Variants in CRYBG1 observed in about 807,000 individuals in gnomAD.
CRYBG1 encodes crystallin beta-gamma domain containing 1.
In CRYBG1, 139 loss-of-function variants were observed where a neutral mutation model predicts 189.2. The ratio of observed to expected loss-of-function variants is 0.73; its 90% CI spans 0.64 to 0.85. The LOEUF (loss-of-function observed/expected upper bound fraction) is 0.85. Ranked by LOEUF, CRYBG1 falls within the 40% of genes least tolerant of loss-of-function variation. CRYBG1 has a pLI of 0.00. For synonymous variants in CRYBG1, 1,023 were observed against 1,017.1 expected (o/e 1.01, Z -0.11); for missense variants, 2,611 against 2,675.8 (o/e 0.98, Z 0.53).
intron 1 of CRYBG1, chr6:106,451,460 T>A: frequency 3.0e-6 from 1 of 334,196 alleles, no homozygotes; most frequent in Non-Finnish European, 5.4e-6. Flanking sequence ...ATTTGTTTTC[T>A]GCATAGGATT....
At chr6:106,504,347 A>C (rs977450403) in intron 2 of CRYBG1, among the ~76,000 whole-genome samples, 2 of 152,178 alleles carry the variant, frequency 1.3e-5, no homozygotes, top group Non-Finnish European at 2.9e-5. Context: ...TTTTCATAAG[A>C]GATCTGCTTA....
chr6:106,426,511 C>T (rs1001881188), intron 1 of CRYBG1, among the ~76,000 whole-genome samples: 4 of 152,174 alleles, frequency 2.6e-5, no homozygotes, highest in Admixed American at 2.0e-4. Context: ...CAATTGGGCT[C>T]CTCTGAAACA....
intron 1 of CRYBG1, among the ~76,000 whole-genome samples, chr6:106,434,199 A>G (rs1053290929): frequency 6.6e-6 from 1 of 152,042 alleles, no homozygotes; most frequent in Non-Finnish European, 1.5e-5. Context: ...AGAAAGAAAG[A>G]GAGAGAAAGG....
intron 13 of CRYBG1, among the ~76,000 whole-genome samples, chr6:106,545,156 T>C (rs1256517248): frequency 6.6e-6 from 1 of 152,220 alleles, no homozygotes; most frequent in Non-Finnish European, 1.5e-5. Context: ...AGGCTTTGGG[T>C]ATCATGATAG....
chr6:106,506,383 C>T (rs1236002265), intron 2 of CRYBG1, among the ~76,000 whole-genome samples: 1 of 146,064 alleles, frequency 6.8e-6, no homozygotes, highest in Admixed American at 6.8e-5. Flanking sequence ...CATAGGAAAA[C>T]TTATTTATTT....
intron 1 of CRYBG1, among the ~76,000 whole-genome samples, chr6:106,421,041 C>T (rs1771112632): frequency 6.6e-6 from 1 of 152,018 alleles, no homozygotes; most frequent in African/African-American, 2.4e-5. Flanking sequence ...GGGGAGGATT[C>T]CTGAGGGTAT....
chr6:106,522,246 C>T (rs1773626891), intron 4 of CRYBG1, among the ~76,000 whole-genome samples: 1 of 152,232 alleles, frequency 6.6e-6, no homozygotes, highest in Admixed American at 6.5e-5. Flanking sequence ...ATCCTTCTCT[C>T]TGTGAGATTC....
chr6:106,360,818 G>A lies in CRYBG1; in HGVS notation c.-91G>A. The stretch of plus-strand genomic sequence containing the variant: ...GTCCCACGGCGCGCTGAGAAAGGCG[G>A]GCGAGCTGGCGCTCAGGTGTGTTCT... On this transcript the variant is annotated 5_prime_UTR_variant, in exon 1 of 22. Transcript: ENST00000633556. 7 of 1,375,240 alleles carry A rather than the reference G, an allele frequency of 5.1e-6. No individual in the cohort carries two copies. The highest frequency in any genetic ancestry group is 6.6e-6 in the Non-Finnish European group (7 of 1,057,444). The allele number at this position is 1,375,240 out of a possible 1,614,324, so 85.2% of individuals were successfully genotyped here. A position where few individuals can be genotyped will look rare whatever the true frequency, so the allele number is the denominator to read the frequency against.
chr6:106,388,536 T>C (rs1462873177), intron 1 of CRYBG1, among the ~76,000 whole-genome samples: 3 of 152,206 alleles, frequency 2.0e-5, no homozygotes, highest in African/African-American at 7.2e-5. Flanking sequence ...TTTGAATATG[T>C]AATTTTATGT....
Position 106,481,274 on chromosome 6 carries a change from G to A in CRYBG1, c.312+29442G>A, listed in dbSNP as rs541920859. Among the ~76,000 whole-genome samples the A allele has an allele frequency of 3.4e-4, 51 of 151,136 alleles. 12 individuals are homozygous for A. Among genetic ancestry groups the A allele is most frequent in the African/African-American group, 1.2e-3 (50 of 41,142 alleles). ...CAGGCGTGAGCCACCGCGCCCGGCCGAGACTCTGTCTTAAGAAAAGAAAAA... is the reference window on the plus strand; with the variant it reads ...CAGGCGTGAGCCACCGCGCCCGGCCAAGACTCTGTCTTAAGAAAAGAAAAA... On this transcript the variant is annotated intron_variant, in intron 2 of 21. Transcript: ENST00000633556.
intron 1 of CRYBG1, among the ~76,000 whole-genome samples, chr6:106,378,122 G>T (rs10428779): frequency 1.3e-5 from 2 of 152,066 alleles, no homozygotes. Context: ...GTCACCCCCC[G>T]GTCATCCCTC....
At chr6:106,518,231 G>T (rs1283899144) in intron 3 of CRYBG1, among the ~76,000 whole-genome samples, 1 of 152,152 alleles carries the variant, frequency 6.6e-6, no homozygotes, top group Non-Finnish European at 1.5e-5. Context: ...TGTCTGACTG[G>T]TAGGATTATC....
At position 106,361,033 on chromosome 6, in the gene CRYBG1, G is replaced by A. The variant is rs1426538408; in HGVS notation, c.125G>A (p.Cys42Tyr). 1 of 1,535,292 alleles carries A rather than the reference G, an allele frequency of 6.5e-7. No individual in the cohort carries two copies. Among genetic ancestry groups the A allele is most frequent in the Non-Finnish European group, 8.7e-7 (1 of 1,146,632 alleles). ...KKKQQPAPPD[C>Y]GVFVPHPLPA... Reference sequence around the variant, plus strand: ...AAGCAGCAGCCGGCGCCGCCTGACTGTGGGGTGTTCGTTCCGCACCCGCTC... The same window carrying A: ...AAGCAGCAGCCGGCGCCGCCTGACTATGGGGTGTTCGTTCCGCACCCGCTC... Residue 42 changes from cysteine to tyrosine, a missense_variant, in exon 1 of 22, where the codon TGT becomes TAT. By Grantham distance (194) the Cys-to-Tyr change is radical. Coordinates refer to ENST00000633556, the MANE Select transcript of CRYBG1 (RefSeq NM_001371242.2).
Position 106,544,638 on chromosome 6 carries a change from G to A in CRYBG1, c.5107G>A (p.Asp1703Asn). 1 of 1,614,084 alleles carries A rather than the reference G, an allele frequency of 6.2e-7. No homozygotes were observed. Among genetic ancestry groups the A allele is most frequent in the Non-Finnish European group, 8.5e-7 (1 of 1,179,980 alleles). The change falls in exon 12 of 22, where the codon GAC (aspartate) becomes AAC (asparagine). Residue 1703 changes from aspartate to asparagine, a missense_variant. Coordinates refer to ENST00000633556, the MANE Select transcript of CRYBG1 (RefSeq NM_001371242.2). ...TTTGCTAGAAGAAGGAGAATACAGGGACTGGAAAGCCTGGGGAGGTTACAA... is the reference window on the plus strand; with the variant it reads ...TTTGCTAGAAGAAGGAGAATACAGGAACTGGAAAGCCTGGGGAGGTTACAA... Reference protein sequence around the residue: ...QYLLEEGEYRDWKAWGGYNGE... With the variant: ...QYLLEEGEYRNWKAWGGYNGE...
chr6:106,538,536 T>C (rs1029070858), intron 8 of CRYBG1, among the ~76,000 whole-genome samples: 2 of 152,046 alleles, frequency 1.3e-5, no homozygotes, highest in African/African-American at 4.8e-5. Flanking sequence ...TGATCCTGAG[T>C]AACTGTGAAA....
At chr6:106,509,560 G>A (rs1033996670) in intron 2 of CRYBG1, among the ~76,000 whole-genome samples, 1 of 152,106 alleles carries the variant, frequency 6.6e-6, no homozygotes, top group South Asian at 2.1e-4. Flanking sequence ...GTCCCAAAGC[G>A]CCCACCAGGC....
At chr6:106,410,863 T>C (rs1163523983) in intron 1 of CRYBG1, among the ~76,000 whole-genome samples, 7 of 151,276 alleles carry the variant, frequency 4.6e-5, no homozygotes, top group African/African-American at 1.7e-4. Flanking sequence ...TGTTGTGGGG[T>C]GGGGAGGCTA....
At chr6:106,519,104 C>CT in intron 3 of CRYBG1, 27 bp from the exon 4 acceptor site, 1 of 1,577,564 alleles carries the variant, frequency 6.3e-7, no homozygotes, top group Non-Finnish European at 8.6e-7. Flanking sequence ...AGGTCAATAA[C>CT]TTTATCTTCC....
chr6:106,439,060 A>C (rs1204427842), intron 1 of CRYBG1, among the ~76,000 whole-genome samples: 1 of 151,854 alleles, frequency 6.6e-6, no homozygotes, highest in Non-Finnish European at 1.5e-5. Flanking sequence ...GAAAAAAAAA[A>C]AAAAAAGAGA....
Sources: gnomAD v4.1 joint callset for allele counts (sites outside exome capture counted in the v4.1 genomes callset) on GRCh38, gnomAD v4.1.1 for gene constraint, MANE v1.5 for transcripts, NCBI Gene and HGNC (gene_info 2026-07-23, HGNC 2026-07-21) for gene names.